Variants in ITPK1 observed in about 807,000 individuals in gnomAD.
The protein encoded by ITPK1 is inositol-tetrakisphosphate 1-kinase.
A neutral mutation model predicts 45.3 loss-of-function variants in ITPK1; 21 were observed. The ratio of observed to expected loss-of-function variants is 0.46; its 90% CI spans 0.33 to 0.67. The LOEUF is 0.67. Ranked by LOEUF, ITPK1 falls within the 30% of genes least tolerant of loss-of-function variation. The pLI is 0.02. For missense variants in ITPK1, 474 were observed against 573.5 expected (o/e 0.83, Z 1.77); for synonymous variants, 258 against 253.6 (o/e 1.02, Z -0.16).
In ITPK1 at chr14:93,076,697, C is replaced by T; in HGVS notation, c.96-78G>A. 1 of 1,575,480 alleles carries T rather than the reference C, an allele frequency of 6.3e-7. No homozygotes were observed. The highest frequency in any genetic ancestry group is 8.7e-7 in the Non-Finnish European group (1 of 1,145,676). On this transcript the variant is annotated intron_variant, in intron 2 of 10. Transcript: ENST00000267615. This position sits in a 1 kb window ranked among gnomAD's most constrained non-coding sequence, Gnocchi z 4.3. Reference sequence around the variant, plus strand: ...CTTTCCGAAGGTTCCCGACAGCCGGCTGAGGGCAGGACCATGAGAGGGTTT... The same window carrying T: ...CTTTCCGAAGGTTCCCGACAGCCGGTTGAGGGCAGGACCATGAGAGGGTTT...
At chr14:93,056,943 G>T (rs1288528126) in intron 3 of ITPK1, among the ~76,000 whole-genome samples, 1 of 152,198 alleles carries the variant, frequency 6.6e-6, no homozygotes. Context: ...GCTAAAAACA[G>T]GCCCTGCTGG....
chr14:93,115,295 GGCGC>G lies in ITPK1; in HGVS notation c.-136_-133del. 1 of 521,716 alleles carries G rather than the reference GGCGC, an allele frequency of 1.9e-6. No individual in the cohort carries two copies. The allele number at this position is 521,716 out of a possible 1,614,324, so 32.3% of individuals were successfully genotyped here. A position where few individuals can be genotyped will look rare whatever the true frequency, so the allele number is the denominator to read the frequency against. ...GACGCGGAACGGGGATCGGAGCTGG[GGCGC>G]GCAGTCCTGCCGCGCGGAGCGGAGC... On this transcript the variant is annotated 5_prime_UTR_variant, in exon 2 of 11. Coordinates refer to ENST00000267615, the MANE Select transcript of ITPK1 (RefSeq NM_014216.6).
chr14:92,969,825 A>G (rs757113338), intron 5 of ITPK1, among the ~76,000 whole-genome samples: 2 of 152,012 alleles, frequency 1.3e-5, no homozygotes, highest in Non-Finnish European at 2.9e-5. Flanking sequence ...CTTTGGTTGG[A>G]TGGTGGGTTG....
chr14:93,030,664 A>G (rs75139884), intron 3 of ITPK1, among the ~76,000 whole-genome samples: 1,563 of 152,280 alleles, frequency 0.01, 28 homozygotes, highest in African/African-American at 0.036. Flanking sequence ...TGCAGAGGGC[A>G]TGATAGGAAA....
chr14:92,991,827 A>G (rs577987445), intron 5 of ITPK1, among the ~76,000 whole-genome samples: 135 of 152,308 alleles, frequency 8.9e-4, no homozygotes, highest in African/African-American at 3.1e-3. Flanking sequence ...TGAAGACTCA[A>G]TTAGGATGCT....
At chr14:93,024,540 G>A (rs754449754) in intron 3 of ITPK1, among the ~76,000 whole-genome samples, 8 of 152,188 alleles carry the variant, frequency 5.3e-5, no homozygotes, top group Non-Finnish European at 1.2e-4. Flanking sequence ...TTCCTCACAT[G>A]AGGCTGGATG....
At chr14:92,972,631 C>G (rs976515704) in intron 5 of ITPK1, among the ~76,000 whole-genome samples, 1 of 152,214 alleles carries the variant, frequency 6.6e-6, no homozygotes, top group Non-Finnish European at 1.5e-5. Flanking sequence ...CTCTGTCACC[C>G]AGGTTGGAGT....
At chr14:93,099,193 G>A (rs760847375) in intron 2 of ITPK1, among the ~76,000 whole-genome samples, 12 of 152,032 alleles carry the variant, frequency 7.9e-5, no homozygotes, top group Non-Finnish European at 1.6e-4. Flanking sequence ...TTAGTATATC[G>A]GAGCGGAGTG....
intron 2 of ITPK1, among the ~76,000 whole-genome samples, chr14:93,097,845 C>T (rs1336721692): frequency 6.6e-6 from 1 of 152,114 alleles, no homozygotes; most frequent in East Asian, 1.9e-4. Flanking sequence ...CCTGTCTCTA[C>T]TACAAGTACA....
chr14:92,960,517 C>A (rs1335415088), intron 7 of ITPK1, among the ~76,000 whole-genome samples: 3 of 152,214 alleles, frequency 2.0e-5, no homozygotes, highest in African/African-American at 7.2e-5. Flanking sequence ...CAAAGTCGCA[C>A]AAATGGCAAC....
In ITPK1 at chr14:93,098,969, C is replaced by G. The variant is rs769427644; in HGVS notation, c.95+16100G>C. Among the ~76,000 whole-genome samples the G allele has an allele frequency of 7.2e-5, 11 of 152,326 alleles. No homozygotes were observed. In the East Asian group the frequency reaches 7.7e-4, roughly 11 times the overall value. ...GAACCATAAGGGACCCATACTCTAA[C>G]CAGGGCCTGTCACCCTGCACTTCTC... On this transcript the variant is annotated intron_variant, in intron 2 of 10. Coordinates refer to ENST00000267615, the MANE Select transcript of ITPK1 (RefSeq NM_014216.6).
In ITPK1 at chr14:93,076,439, A is replaced by C. The variant is rs1175247342; in HGVS notation, c.120+156T>G. On this transcript the variant is annotated intron_variant, in intron 3 of 10. Coordinates refer to ENST00000267615, the MANE Select transcript of ITPK1 (RefSeq NM_014216.6). The surrounding 1 kb of genome is among the most constrained non-coding windows in gnomAD (Gnocchi z 4.3). ...TGTCGGAGTCTGCCCAGGCCAGGGC[A>C]GAAACCACATCAAATCCACAGGGGA... Among the ~76,000 whole-genome samples, 3 of 152,150 alleles carry C rather than the reference A, an allele frequency of 2.0e-5. No individual in the cohort carries two copies. The highest frequency in any genetic ancestry group is 6.5e-5 in the Admixed American group (1 of 15,284).
intron 3 of ITPK1, among the ~76,000 whole-genome samples, chr14:93,066,938 A>C (rs1411899524): frequency 6.6e-6 from 1 of 152,164 alleles, no homozygotes; most frequent in African/African-American, 2.4e-5. Flanking sequence ...TCAGAGTCTC[A>C]GCCCTGCACC....
intron 2 of ITPK1, among the ~76,000 whole-genome samples, chr14:93,085,418 G>A (rs753235016): frequency 2.7e-4 from 41 of 152,174 alleles, no homozygotes; most frequent in African/African-American, 8.2e-4. Context: ...GCGCCCCTCA[G>A]TGCAGGCACA....
chr14:92,952,284 C>A (rs1887992889), intron 8 of ITPK1, among the ~76,000 whole-genome samples: 1 of 152,210 alleles, frequency 6.6e-6, no homozygotes, highest in African/African-American at 2.4e-5. Flanking sequence ...CTGGTTTTCC[C>A]TGAGGCCCTG....
intron 3 of ITPK1, among the ~76,000 whole-genome samples, chr14:93,035,694 G>C (rs1889286025): frequency 6.6e-6 from 1 of 152,228 alleles, no homozygotes; most frequent in Non-Finnish European, 1.5e-5. Flanking sequence ...ATGAGGCCCA[G>C]AATGGGAACA....
chr14:93,059,787 A>G (rs1478527534), intron 3 of ITPK1, among the ~76,000 whole-genome samples: 1 of 53,598 alleles, frequency 1.9e-5, no homozygotes, highest in African/African-American at 7.8e-5. Flanking sequence ...GCTGGTCACG[A>G]GGCAGGGGTG....
Position 92,941,396 on chromosome 14 carries a change from A to G in ITPK1, c.*165T>C, listed in dbSNP as rs370631659. 2 of 1,419,204 alleles carry G rather than the reference A, an allele frequency of 1.4e-6. No individual in the cohort carries two copies. Among genetic ancestry groups the G allele is most frequent in the African/African-American group, 2.9e-5 (2 of 67,998 alleles). The allele number at this position is 1,419,204 out of a possible 1,614,324, so 87.9% of individuals were successfully genotyped here. A position where few individuals can be genotyped will look rare whatever the true frequency, so the allele number is the denominator to read the frequency against. ...CACCTGGTACTCTCTTCCATCCCCC[A>G]CTACCCCTCATTTAGATCATGACAT... On this transcript the variant is annotated 3_prime_UTR_variant, in exon 11 of 11. Coordinates refer to ENST00000267615, the MANE Select transcript of ITPK1 (RefSeq NM_014216.6).
chr14:93,046,602 G>GC lies in ITPK1; in HGVS notation c.121-29802_121-29801insG, dbSNP rs1487357749. Among the ~76,000 whole-genome samples the GC allele has an allele frequency of 9.6e-5, 14 of 146,418 alleles. 1 individual carries two copies. In the East Asian group the frequency reaches 2.6e-3, roughly 27 times the overall value. On this transcript the variant is annotated intron_variant, in intron 3 of 10. Transcript: ENST00000267615. ...GGCCCAGCAGCCGGGGGCGGGGGGG[G>GC]GCGGCGGGGGGAACACAAGCAAACA...
Sources: allele counts gnomAD v4.1 joint callset (sites outside exome capture counted in the v4.1 genomes callset), GRCh38; gene constraint gnomAD v4.1.1; non-coding constraint Gnocchi (gnomAD v3.1); transcripts MANE v1.5; gene names NCBI Gene and HGNC (gene_info 2026-07-23, HGNC 2026-07-21).